Variants in DPY19L3 observed in about 807,000 individuals in gnomAD.
The protein encoded by DPY19L3 is dpy-19 like C-mannosyltransferase 3.
A neutral mutation model predicts 92.3 loss-of-function variants in DPY19L3; 51 were observed. The ratio of observed to expected loss-of-function variants is 0.55; its 90% CI spans 0.44 to 0.70. The LOEUF (loss-of-function observed/expected upper bound fraction) is 0.70, where lower values mean the gene tolerates loss of function less well. DPY19L3 is among the 30% of genes least tolerant of loss of function. The probability of loss-of-function intolerance (pLI) is 0.00; values close to 1 mark genes in which losing one functional copy is unlikely to be tolerated. For synonymous variants in DPY19L3, 309 were observed against 315.2 expected (o/e 0.98, Z 0.21); for missense variants, 706 against 855.9 (o/e 0.82, Z 2.18).
intron 3 of DPY19L3, among the ~76,000 whole-genome samples, chr19:32,432,266 G>T (rs1213881845): frequency 6.6e-6 from 1 of 152,084 alleles, no homozygotes; most frequent in East Asian, 1.9e-4. Context: ...TCCCACCAGG[G>T]TTACGCTTGT....
At position 32,411,375 on chromosome 19, in the gene DPY19L3, AT is replaced by A; in HGVS notation, c.237+4del. On this transcript the variant is annotated splice_donor_region_variant and intron_variant, in intron 3 of 18. Coordinates refer to ENST00000392250, the MANE Select transcript of DPY19L3 (RefSeq NM_001172774.2). ...ATTTATGGTTTTCTAATATTAAGGT[AT>A]GGAGTTTCTTTGACCATTGTATCAT... 1 of 1,614,080 alleles carries A rather than the reference AT, an allele frequency of 6.2e-7. No individual in the cohort carries two copies. Among genetic ancestry groups the A allele is most frequent in the Non-Finnish European group, 8.5e-7 (1 of 1,180,004 alleles).
At chr19:32,480,702 C>T in intron 18 of DPY19L3, 145 bp downstream of exon 18, 2 of 1,174,590 alleles carry the variant, frequency 1.7e-6, no homozygotes, top group Non-Finnish European at 2.3e-6. Context: ...TTGCTTCCTA[C>T]AGAAGCCCTC....
At position 32,460,098 on chromosome 19, in the gene DPY19L3, A is replaced by C. The variant is rs114004387; in HGVS notation, c.1322+1589A>C. Among the ~76,000 whole-genome samples, 1,177 of 152,228 alleles carry C rather than the reference A, an allele frequency of 7.7e-3. 16 individuals carry two copies. Among genetic ancestry groups the C allele is most frequent in the African/African-American group, 0.027 (1,110 of 41,536 alleles). On this transcript the variant is annotated intron_variant, in intron 12 of 18. Coordinates refer to ENST00000392250, the MANE Select transcript of DPY19L3 (RefSeq NM_001172774.2). ...GTATTTGTGTAACTAAATATATCTA[A>C]ACATAGAATAGGTACAGTAAAAATA...
chr19:32,471,929 C>T (rs1210995781), intron 16 of DPY19L3, among the ~76,000 whole-genome samples: 1 of 152,150 alleles, frequency 6.6e-6, no homozygotes, highest in Non-Finnish European at 1.5e-5. Flanking sequence ...AAGTTGTGCA[C>T]TTATTAATAT....
intron 14 of DPY19L3, 37 bp downstream of exon 14, chr19:32,464,017 T>A (rs757704992): frequency 4.9e-6 from 7 of 1,437,706 alleles, no homozygotes; most frequent in Non-Finnish European, 1.9e-6. Context: ...CTTTTATGAC[T>A]TGCAGTATTT....
intron 16 of DPY19L3, among the ~76,000 whole-genome samples, chr19:32,471,852 C>T (rs1183860814): frequency 6.6e-6 from 1 of 152,052 alleles, no homozygotes; most frequent in East Asian, 1.9e-4. Flanking sequence ...AGGGTCATAC[C>T]CAAGGGATTG....
chr19:32,428,876 C>T (rs1968863834), intron 3 of DPY19L3, among the ~76,000 whole-genome samples: 1 of 149,668 alleles, frequency 6.7e-6, no homozygotes, highest in Non-Finnish European at 1.5e-5. Flanking sequence ...GAGACGGAGT[C>T]TCACTCTGTC....
At chr19:32,414,605 A>G (rs1284948170) in intron 3 of DPY19L3, among the ~76,000 whole-genome samples, 1 of 152,100 alleles carries the variant, frequency 6.6e-6, no homozygotes, top group Non-Finnish European at 1.5e-5. Flanking sequence ...AAAAAAAAAA[A>G]AGAAAGCTTG....
intron 15 of DPY19L3, 67 bp from the exon 16 acceptor site, chr19:32,468,664 A>T: frequency 6.3e-7 from 1 of 1,579,014 alleles, no homozygotes; most frequent in Admixed American, 1.9e-5. Flanking sequence ...TTTTTCATTT[A>T]ATCTTAGTGA....
intron 16 of DPY19L3, among the ~76,000 whole-genome samples, chr19:32,470,176 C>T (rs1400261028): frequency 6.6e-6 from 1 of 152,220 alleles, no homozygotes; most frequent in African/African-American, 2.4e-5. Flanking sequence ...GTGCTGAGAG[C>T]ACTAAGCGTT....
intron 1 of DPY19L3, 153 bp downstream of exon 1, chr19:32,406,062 C>T (rs1386399796): frequency 2.0e-5 from 3 of 151,506 alleles, no homozygotes; most frequent in Admixed American, 1.3e-4. Context: ...GTCGGGGCGT[C>T]GGGAGGGGCG....
At chr19:32,477,677 C>A in intron 17 of DPY19L3, 23 bp downstream of exon 17, 1 of 1,613,320 alleles carries the variant, frequency 6.2e-7, no homozygotes, top group Non-Finnish European at 8.5e-7. Flanking sequence ...AGTGCCTCCC[C>A]TCGCTTCTTG....
chr19:32,448,646 A>G (rs1005514991), intron 8 of DPY19L3, among the ~76,000 whole-genome samples: 7 of 152,198 alleles, frequency 4.6e-5, no homozygotes, highest in African/African-American at 1.7e-4. Flanking sequence ...GATCATCACA[A>G]AGGTCTTCAT....
In DPY19L3 at chr19:32,445,440, C is replaced by CAAAAAAAAAAAAAAAAAA. The variant is rs71336904; in HGVS notation, c.855+5534_855+5551dup. 2.0e-3 allele frequency among the ~76,000 whole-genome samples: 87 copies of CAAAAAAAAAAAAAAAAAA among 42,826 alleles called. 21 individuals carry two copies. Among genetic ancestry groups the CAAAAAAAAAAAAAAAAAA allele is most frequent in the East Asian group, 7.9e-3 (9 of 1,146 alleles). 28.1% of individuals were successfully genotyped at this position (42,826 alleles called of 152,430 possible). A position where few individuals can be genotyped will look rare whatever the true frequency, so the allele number is the denominator to read the frequency against. ...TGGGGGACAGAGCGAGACTTCATCT[C>CAAAAAAAAAAAAAAAAAA]AAAAAAAAAAAAAAAAAAAAACCAT... On this transcript the variant is annotated intron_variant, in intron 8 of 18. Transcript: ENST00000392250.
At chr19:32,473,513 C>A (rs1249374989) in intron 16 of DPY19L3, among the ~76,000 whole-genome samples, 1 of 152,182 alleles carries the variant, frequency 6.6e-6, no homozygotes, top group African/African-American at 2.4e-5. Flanking sequence ...ACAACGGATC[C>A]CTTCTCCCTT....
At chr19:32,460,454 C>T (rs1445058470) in intron 12 of DPY19L3, among the ~76,000 whole-genome samples, 1 of 151,982 alleles carries the variant, frequency 6.6e-6, no homozygotes, top group Non-Finnish European at 1.5e-5. Context: ...CATTGTATAC[C>T]TATATAGGGC....
At chr19:32,413,379 GTTACT>G (rs1968260391) in intron 3 of DPY19L3, among the ~76,000 whole-genome samples, 1 of 151,768 alleles carries the variant, frequency 6.6e-6, no homozygotes, top group African/African-American at 2.4e-5. Flanking sequence ...AACTTGCTGT[GTTACT>G]TTATGGGTAC....
intron 8 of DPY19L3, among the ~76,000 whole-genome samples, chr19:32,447,798 C>CAATAG (rs569135490): frequency 2.1e-5 from 2 of 97,138 alleles, no homozygotes; most frequent in Admixed American, 1.0e-4. Context: ...TACTCCATCT[C>CAATAG]ATTCATAGAT....
intron 15 of DPY19L3, among the ~76,000 whole-genome samples, chr19:32,466,068 T>G (rs1386980860): frequency 1.3e-5 from 2 of 152,234 alleles, no homozygotes; most frequent in Non-Finnish European, 2.9e-5. Context: ...ATAACCATCT[T>G]TCATACTGCC....
Sources: allele counts gnomAD v4.1 joint callset (sites outside exome capture counted in the v4.1 genomes callset), GRCh38; gene constraint gnomAD v4.1.1; transcripts MANE v1.5; gene names NCBI Gene and HGNC (gene_info 2026-07-23, HGNC 2026-07-21).